Variants in C1QTNF9B observed in about 807,000 individuals in gnomAD.
C1QTNF9B encodes the protein complement C1q and tumor necrosis factor-related protein 9B.
C1QTNF9B carries 9 observed loss-of-function variants against 10.1 expected under a neutral mutation model. That is an observed-to-expected ratio of 0.89 (90% CI 0.53 to 1.55). The LOEUF is 1.55. Ranked by LOEUF, C1QTNF9B falls within the 40% of genes most tolerant of loss-of-function variation. The pLI is 0.00. For synonymous variants in C1QTNF9B, 79 were observed against 159.9 expected (o/e 0.49, Z 3.82); for missense variants, 196 against 414.4 (o/e 0.47, Z 4.58).
chr13:23,891,364 C>T, exon 3 of C1QTNF9B: 1 of 1,579,870 alleles, frequency 6.3e-7, no homozygotes, highest in East Asian at 2.2e-5. Flanking sequence ...CATTGAACCT[C>T]TCTCCTCCTG....
intron 1 of C1QTNF9B, chr13:23,894,645 A>G (rs1407348811): frequency 2.2e-6 from 1 of 461,226 alleles, no homozygotes; most frequent in Non-Finnish European, 4.3e-6. Context: ...CTAGGCTCCT[A>G]TGAAAACACA....
At chr13:23,896,772 A>G (rs771195346) in intron 1 of C1QTNF9B, 49 bp downstream of exon 3, 11 of 1,607,132 alleles carry the variant, frequency 6.8e-6, no homozygotes. Context: ...ATGAGATGAA[A>G]GTAATGAAGA....
exon 3 of C1QTNF9B, chr13:23,891,389 A>G (rs1871925179): frequency 6.3e-7 from 1 of 1,581,610 alleles, no homozygotes; most frequent in Non-Finnish European, 8.7e-7. Flanking sequence ...CTGCAGCCAC[A>G]TCTCATCCCC....
At chr13:23,894,587 C>T (rs748568695) in intron 1 of C1QTNF9B, 10 of 493,488 alleles carry the variant, frequency 2.0e-5, no homozygotes, top group East Asian at 1.1e-4. Context: ...GGTTTCCTCA[C>T]TCTGTTTCTC....
At chr13:23,893,306 G>T (rs1428909300) in intron 2 of C1QTNF9B, among the ~76,000 whole-genome samples, 1 of 152,132 alleles carries the variant, frequency 6.6e-6, no homozygotes, top group Non-Finnish European at 1.5e-5. Context: ...ACCAGTTCTA[G>T]TGCCACCTCC....
exon 3 of C1QTNF9B, chr13:23,891,278 ACT>A (rs1402356833): frequency 6.7e-7 from 1 of 1,497,536 alleles, no homozygotes; most frequent in Admixed American, 2.0e-5. Context: ...AGATTTATAA[ACT>A]CTCCTCTGTC....
exon 3 of C1QTNF9B, chr13:23,891,103 T>C: frequency 1.9e-6 from 1 of 516,220 alleles, no homozygotes; most frequent in South Asian, 4.7e-5. Context: ...CATGCAGCTA[T>C]TTTAAATATT....
chr13:23,893,056 G>C (rs1872071941), intron 2 of C1QTNF9B, among the ~76,000 whole-genome samples: 1 of 152,104 alleles, frequency 6.6e-6, no homozygotes. Flanking sequence ...CCATACCAAA[G>C]AGCCGTCGTT....
At chr13:23,894,504 CTG>C (rs150835167) in intron 1 of C1QTNF9B, 195,785 of 608,358 alleles carry the variant, frequency 0.32, 28,636 homozygotes, top group East Asian at 0.36. Flanking sequence ...TGGGGACTGA[CTG>C]TCACAATTGA....
chr13:23,897,100 G>T (rs1012994001), upstream of C1QTNF9B: 7 of 1,454,180 alleles, frequency 4.8e-6, no homozygotes, highest in African/African-American at 8.4e-5. Context: ...TGGATGAGCT[G>T]TCCCCTGCCC....
chr13:23,896,845 C>A, exon 1 of C1QTNF9B: 1 of 1,613,350 alleles, frequency 6.2e-7, no homozygotes, highest in South Asian at 1.1e-5. Context: ...TCACCCTTCG[C>A]TCCGTCTCGT....
intron 1 of C1QTNF9B, chr13:23,894,774 G>A (rs1175243123): frequency 7.6e-6 from 3 of 395,176 alleles, no homozygotes; most frequent in Admixed American, 5.4e-5. Flanking sequence ...CATCAGGTGA[G>A]TGGGGCTCTG....
At position 23,891,208 on chromosome 13, in the gene C1QTNF9B, T is replaced by A. The variant is rs1214248778; in HGVS notation, c.*81A>T. The A allele has an allele frequency of 1.0e-5, 13 of 1,249,566 alleles. 1 individual carries two copies. The highest frequency in any genetic ancestry group is 2.0e-5 in the South Asian group (1 of 49,732). The allele number at this position is 1,249,566 out of a possible 1,614,324, so 77.4% of individuals were successfully genotyped here. ...TGATTATTGTAATAATTGGAGGAAT[T>A]AATAAAGTAAAACCATCTGAATAAG... On this transcript the variant is annotated 3_prime_UTR_variant, in exon 3 of 3. Coordinates refer to ENST00000382137, the Ensembl canonical transcript of C1QTNF9B.
chr13:23,895,701 T>C (rs1872175456), intron 1 of C1QTNF9B, among the ~76,000 whole-genome samples: 1 of 151,454 alleles, frequency 6.6e-6, no homozygotes, highest in African/African-American at 2.4e-5. Flanking sequence ...ATAACAAAAA[T>C]TTAAAAAATG....
intron 1 of C1QTNF9B, among the ~76,000 whole-genome samples, chr13:23,895,184 CCT>C (rs1327181434): frequency 2.6e-5 from 4 of 152,042 alleles, no homozygotes; most frequent in African/African-American, 7.2e-5. Context: ...TGGCTGCTCC[CCT>C]GTGTCTTCCT....
In C1QTNF9B at chr13:23,891,944, C is replaced by T. The variant is rs200822560; in HGVS notation, c.347G>A (p.Gly116Glu). The T allele has an allele frequency of 1.2e-5, 19 of 1,614,016 alleles. No individual in the cohort carries two copies. In the Admixed American group the frequency reaches 2.5e-4, roughly 21 times the overall value. The change falls in exon 3 of 3, where the codon GGA becomes GAA. Residue 116 changes from glycine (G) to glutamate (E), a missense_variant. Coordinates refer to ENST00000382137, the Ensembl canonical transcript of C1QTNF9B. ...CTTCTGCCCCTGAGGCCCAGTCTCT[C>T]CTCGGAGGCCTTTCTCTCCCATGGG...
At chr13:23,894,337 G>C in intron 1 of C1QTNF9B, 136 bp from the exon 4 acceptor site, 1 of 852,550 alleles carries the variant, frequency 1.2e-6, no homozygotes, top group East Asian at 2.8e-5. Flanking sequence ...CTCCACACGA[G>C]CGCAGGTGGA....
chr13:23,896,774 T>A (rs7317337), intron 1 of C1QTNF9B, 47 bp downstream of exon 3: 3 of 1,579,776 alleles, frequency 1.9e-6, no homozygotes, highest in Non-Finnish European at 2.6e-6. Context: ...GAGATGAAAG[T>A]AATGAAGAGA....
intron 2 of C1QTNF9B, among the ~76,000 whole-genome samples, chr13:23,893,663 T>C (rs187905422): frequency 6.6e-6 from 1 of 152,258 alleles, no homozygotes; most frequent in African/African-American, 2.4e-5. Context: ...ATAGACAAAG[T>C]CTTACTATGT....
Sources: gnomAD v4.1 joint callset for allele counts (sites outside exome capture counted in the v4.1 genomes callset) on GRCh38, gnomAD v4.1.1 for gene constraint, MANE v1.5 for transcripts, NCBI Gene and HGNC (gene_info 2026-07-23, HGNC 2026-07-21) for gene names.